The following SEMA3C variants were observed in gnomAD, a reference collection of about 807,000 sequenced individuals.
The protein encoded by SEMA3C is semaphorin 3C, also known as semaphorin-3C.
In SEMA3C, 47 loss-of-function variants were observed where a neutral mutation model predicts 89.4. The observed-to-expected ratio is 0.53, with a 90% confidence interval of 0.42 to 0.67. The LOEUF is 0.67. SEMA3C is among the 30% of genes least tolerant of loss of function. The pLI is 0.00. For missense variants in SEMA3C, 839 were observed against 929.1 expected (o/e 0.90, Z 1.26); for synonymous variants, 310 against 320.2 (o/e 0.97, Z 0.34).
intron 15 of SEMA3C, among the ~76,000 whole-genome samples, chr7:80,756,683 A>G (rs1028723169): frequency 6.6e-6 from 1 of 152,090 alleles, no homozygotes; most frequent in Non-Finnish European, 1.5e-5. Context: ...CTGTTTCTTG[A>G]GCAATCCTGA....
At chr7:80,755,911 C>T (rs1788055265) in intron 15 of SEMA3C, among the ~76,000 whole-genome samples, 1 of 152,126 alleles carries the variant, frequency 6.6e-6, no homozygotes, top group Non-Finnish European at 1.5e-5. Flanking sequence ...TCTAGATAGA[C>T]ATCAAAAGAA....
chr7:80,877,590 T>C (rs568773360), intron 2 of SEMA3C, among the ~76,000 whole-genome samples: 3 of 152,352 alleles, frequency 2.0e-5, no homozygotes, highest in South Asian at 4.1e-4. Context: ...CTTCAAACAG[T>C]ATTTTATCTA....
intron 12 of SEMA3C, among the ~76,000 whole-genome samples, chr7:80,765,562 TTTTTGTTTTG>T (rs544160095): frequency 2.7e-5 from 4 of 148,558 alleles, no homozygotes; most frequent in South Asian, 2.1e-4. Flanking sequence ...ACATAAGTTT[TTTTTGTTTTG>T]TTTTGTTTTG....
intron 2 of SEMA3C, among the ~76,000 whole-genome samples, chr7:80,910,160 A>G (rs551987864): frequency 7.9e-4 from 121 of 152,288 alleles, no homozygotes; most frequent in South Asian, 7.0e-3. Flanking sequence ...CAATGCCACC[A>G]TTAAGCTGTA....
chr7:80,919,337 C>A, upstream of SEMA3C: 1 of 985,350 alleles, frequency 1.0e-6, no homozygotes, highest in Non-Finnish European at 1.2e-6. Flanking sequence ...CGCAACCCTG[C>A]TCCTTTCGCA....
intron 2 of SEMA3C, among the ~76,000 whole-genome samples, chr7:80,872,332 T>C (rs76289244): frequency 0.033 from 5,028 of 152,046 alleles, 108 homozygotes; most frequent in South Asian, 0.056. Context: ...TTTCTATTTT[T>C]AGTAGAGACA....
At chr7:80,833,617 C>T (rs1358189381) in intron 2 of SEMA3C, among the ~76,000 whole-genome samples, 1 of 152,090 alleles carries the variant, frequency 6.6e-6, no homozygotes, top group East Asian at 1.9e-4. Flanking sequence ...AATTTAATTA[C>T]CTATGGCTTA....
intron 2 of SEMA3C, among the ~76,000 whole-genome samples, chr7:80,912,162 T>C (rs1356468815): frequency 6.6e-6 from 1 of 152,144 alleles, no homozygotes; most frequent in Non-Finnish European, 1.5e-5. Context: ...AACAGGAAAA[T>C]ATAGGCTTAC....
At chr7:80,858,348 C>T (rs1790690203) in intron 2 of SEMA3C, among the ~76,000 whole-genome samples, 1 of 152,050 alleles carries the variant, frequency 6.6e-6, no homozygotes, top group Admixed American at 6.6e-5. Flanking sequence ...AATATGTTTG[C>T]CTGTATGGCT....
upstream of SEMA3C, among the ~76,000 whole-genome samples, chr7:80,919,559 GTTTT>G (rs3834744): frequency 2.6e-4 from 38 of 145,694 alleles, no homozygotes; most frequent in Non-Finnish European, 5.4e-4. Context: ...ATTCTGCTGC[GTTTT>G]TTTTTTGTTT....
chr7:80,810,728 T>C (rs1272397879), intron 5 of SEMA3C, 27 bp from the exon 6 acceptor site: 1 of 1,534,548 alleles, frequency 6.5e-7, no homozygotes. Context: ...ATTTAAAATG[T>C]GGCAATGATA....
intron 15 of SEMA3C, among the ~76,000 whole-genome samples, chr7:80,752,031 C>T (rs1787947484): frequency 6.6e-6 from 1 of 152,070 alleles, no homozygotes; most frequent in South Asian, 2.1e-4. Context: ...CATGTATATG[C>T]TGTGGATCCA....
intron 6 of SEMA3C, among the ~76,000 whole-genome samples, chr7:80,808,459 T>C (rs935501752): frequency 2.0e-5 from 3 of 152,184 alleles, no homozygotes; most frequent in Admixed American, 6.5e-5. Flanking sequence ...AACTTTGTAG[T>C]TTCAAAGCTA....
chr7:80,832,891 C>G (rs1319456795), intron 2 of SEMA3C, among the ~76,000 whole-genome samples: 1 of 152,120 alleles, frequency 6.6e-6, no homozygotes, highest in Non-Finnish European at 1.5e-5. Flanking sequence ...GAAATAAATA[C>G]TAACTGATAT....
intron 17 of SEMA3C, among the ~76,000 whole-genome samples, chr7:80,746,579 AT>A (rs759977979): frequency 2.0e-5 from 3 of 152,118 alleles, no homozygotes. Context: ...GTGTGCAGGT[AT>A]TTTTGATAAG....
At chr7:80,898,960 A>G (rs1472862757) in intron 2 of SEMA3C, among the ~76,000 whole-genome samples, 1 of 152,156 alleles carries the variant, frequency 6.6e-6, no homozygotes, top group Non-Finnish European at 1.5e-5. Flanking sequence ...ATACACACCT[A>G]TGTACACAAA....
At chr7:80,849,486 A>G (rs2115928165) in intron 2 of SEMA3C, among the ~76,000 whole-genome samples, 1 of 152,306 alleles carries the variant, frequency 6.6e-6, no homozygotes, top group South Asian at 2.1e-4. Flanking sequence ...GTATATGCAT[A>G]AAAATACATG....
At chr7:80,919,297 A>C, upstream of SEMA3C, 2 of 984,020 alleles carry the variant, frequency 2.0e-6, no homozygotes, top group Non-Finnish European at 2.4e-6. Context: ...AGACGCAAGA[A>C]TGCGCGGCCG....
At chr7:80,833,739 T>C (rs1221502340) in intron 2 of SEMA3C, among the ~76,000 whole-genome samples, 2 of 152,132 alleles carry the variant, frequency 1.3e-5, no homozygotes, top group African/African-American at 4.8e-5. Flanking sequence ...GTAGTCATAA[T>C]TGAACTATAC....
Sources: allele counts gnomAD v4.1 joint callset (sites outside exome capture counted in the v4.1 genomes callset), GRCh38; gene constraint gnomAD v4.1.1; transcripts MANE v1.5; gene names NCBI Gene and HGNC (gene_info 2026-07-23, HGNC 2026-07-21).